UTRN: variants seen among roughly 807,000 people sequenced by gnomAD.
UTRN encodes utrophin.
In UTRN, 283 loss-of-function variants were observed where a neutral mutation model predicts 463.9. The observed-to-expected ratio is 0.61, with a 90% CI of 0.55 to 0.67. The LOEUF (loss-of-function observed/expected upper bound fraction) is 0.67, where lower values mean the gene tolerates loss of function less well. Ranked by LOEUF, UTRN falls within the 30% of genes least tolerant of loss-of-function variation. The pLI is 0.00. For missense variants in UTRN, 3,922 were observed against 4,084.3 expected, an observed-to-expected ratio of 0.96 and a Z score of 1.08; for synonymous variants, 1,442 against 1,431.5, an observed-to-expected ratio of 1.01 and a Z score of -0.17.
At chr6:144,567,823 G>A (rs1800541514) in intron 50 of UTRN, among the ~76,000 whole-genome samples, 1 of 152,114 alleles carries the variant, frequency 6.6e-6, no homozygotes, top group Admixed American at 6.6e-5. Flanking sequence ...GGTTTCCTGA[G>A]ATGCTCTTTT....
At chr6:144,695,698 A>G (rs538321768) in intron 52 of UTRN, among the ~76,000 whole-genome samples, 1 of 152,342 alleles carries the variant, frequency 6.6e-6, no homozygotes, top group East Asian at 1.9e-4. Flanking sequence ...CATCTAAAAC[A>G]ATACATACAA....
chr6:144,675,531 T>TTTGGAGC lies in UTRN; in HGVS notation c.7480-2874_7480-2868dup, dbSNP rs572779486. ...GGAATTAGCTGTTGTTTTCTCCTTC[T>TTTGGAGC]TTGGAGCAGGGTTGTTCTGTTATGA... On this transcript the variant is annotated intron_variant, in intron 51 of 74. Coordinates refer to ENST00000367545, the MANE Select transcript of UTRN (RefSeq NM_007124.3). Among the ~76,000 whole-genome samples, 243 of 152,316 alleles carry TTTGGAGC rather than the reference T, an allele frequency of 1.6e-3. 2 individuals are homozygous for TTTGGAGC. Among genetic ancestry groups the TTTGGAGC allele is most frequent in the African/African-American group, 5.5e-3 (229 of 41,576 alleles).
At chr6:144,588,646 A>G (rs1238193187) in intron 51 of UTRN, among the ~76,000 whole-genome samples, 3 of 152,104 alleles carry the variant, frequency 2.0e-5, no homozygotes, top group Non-Finnish European at 4.4e-5. Context: ...AGGGTTGATG[A>G]TTTGTGTTTT....
intron 32 of UTRN, among the ~76,000 whole-genome samples, chr6:144,492,430 A>G (rs1793158347): frequency 6.6e-6 from 1 of 152,240 alleles, no homozygotes; most frequent in South Asian, 2.1e-4. Context: ...ATTGATGGGC[A>G]CCTAGATTGA....
chr6:144,816,872 A>G (rs1779137056), intron 65 of UTRN, among the ~76,000 whole-genome samples: 1 of 151,684 alleles, frequency 6.6e-6, no homozygotes, highest in African/African-American at 2.4e-5. Flanking sequence ...GAGCCACTGC[A>G]TCCAGCCTAT....
At chr6:144,652,310 G>A (rs1271319792) in intron 51 of UTRN, among the ~76,000 whole-genome samples, 1 of 152,058 alleles carries the variant, frequency 6.6e-6, no homozygotes, top group Non-Finnish European at 1.5e-5. Context: ...TGACAAACAG[G>A]GTCCAGGGAA....
intron 2 of UTRN, among the ~76,000 whole-genome samples, chr6:144,357,757 G>A (rs957904707): frequency 1.3e-5 from 2 of 152,136 alleles, no homozygotes; most frequent in African/African-American, 4.8e-5. Flanking sequence ...ACATTTATTT[G>A]CTGATATTGG....
At chr6:144,352,552 T>C (rs1304490696) in intron 2 of UTRN, among the ~76,000 whole-genome samples, 1 of 152,212 alleles carries the variant, frequency 6.6e-6, no homozygotes, top group Admixed American at 6.5e-5. Flanking sequence ...CTCCTATGCA[T>C]TTCTCCTGCT....
intron 62 of UTRN, among the ~76,000 whole-genome samples, chr6:144,792,696 T>G (rs1034193586): frequency 3.9e-5 from 6 of 152,264 alleles, no homozygotes; most frequent in African/African-American, 1.2e-4. Flanking sequence ...TTAAGTACTT[T>G]TGAATTTTTA....
intron 2 of UTRN, among the ~76,000 whole-genome samples, chr6:144,380,668 A>G (rs1485735752): frequency 2.0e-5 from 3 of 152,054 alleles, no homozygotes; most frequent in Non-Finnish European, 2.9e-5. Context: ...TTAAAATATT[A>G]GCTGGGCTTG....
intron 51 of UTRN, among the ~76,000 whole-genome samples, chr6:144,643,688 T>C (rs1777995695): frequency 6.6e-6 from 1 of 151,912 alleles, no homozygotes; most frequent in South Asian, 2.1e-4. Context: ...TCCCAGCTAC[T>C]TGAGAGGCTG....
intron 54 of UTRN, among the ~76,000 whole-genome samples, chr6:144,734,929 T>A (rs1017868888): frequency 6.6e-5 from 10 of 152,226 alleles, no homozygotes; most frequent in Non-Finnish European, 1.3e-4. Context: ...TTCGTTCCAC[T>A]CCCTGTAGAT....
rs58980911 is a variant in UTRN, at chr6:144,414,714, C to CTT, written c.142-7151_142-7150dup. Among the ~76,000 whole-genome samples, 349 of 142,198 alleles carry CTT rather than the reference C, an allele frequency of 2.5e-3. 2 individuals are homozygous for CTT. The highest frequency in any genetic ancestry group is 0.019 in the South Asian group (87 of 4,472). 93.3% of individuals were successfully genotyped at this position (142,198 alleles called of 152,430 possible). On this transcript the variant is annotated intron_variant, in intron 3 of 74. Coordinates refer to ENST00000367545, the MANE Select transcript of UTRN (RefSeq NM_007124.3). ...AGTGTCCTATACAGGTGTACTATAT[C>CTT]TTTTTTTTTTTTTTCGTTTGAGACA... is the stretch of plus-strand genomic sequence containing the variant.
chr6:144,661,548 A>G (rs1424961987), intron 51 of UTRN, among the ~76,000 whole-genome samples: 1 of 152,174 alleles, frequency 6.6e-6, no homozygotes, highest in Non-Finnish European at 1.5e-5. Context: ...CTTGCTCTCC[A>G]CTTAGAAGGG....
chr6:144,378,156 A>G (rs1780617042), intron 2 of UTRN, among the ~76,000 whole-genome samples: 1 of 152,256 alleles, frequency 6.6e-6, no homozygotes, highest in African/African-American at 2.4e-5. Context: ...TCAGTGGATC[A>G]TCTTGATGAT....
intron 34 of UTRN, among the ~76,000 whole-genome samples, chr6:144,510,308 G>A (rs562272519): frequency 3.9e-5 from 6 of 152,120 alleles, no homozygotes; most frequent in Admixed American, 1.3e-4. Flanking sequence ...CGAATGTGCC[G>A]ATCACTTTAT....
rs1173166084 is a variant in UTRN, at chr6:144,461,346, A to G, written c.2853+4A>G. On this transcript the variant is annotated splice_donor_region_variant and intron_variant, in intron 22 of 74. Transcript: ENST00000367545. ...GAAGGCCCTGCAAGAAAAAAAGGTA[A>G]CATATATCTTCCATGTTAGAACTCT... 6.5e-7 allele frequency: 1 copy of G among 1,547,252 alleles called. No homozygotes were observed. The highest frequency in any genetic ancestry group is 8.7e-7 in the Non-Finnish European group (1 of 1,145,148).
intron 53 of UTRN, among the ~76,000 whole-genome samples, chr6:144,715,916 G>T (rs370823025): frequency 6.6e-6 from 1 of 151,354 alleles, no homozygotes; most frequent in South Asian, 2.1e-4. Context: ...ATTCATTTGC[G>T]TTCTAAAGAA....
chr6:144,374,964 A>T (rs979570796), intron 2 of UTRN, among the ~76,000 whole-genome samples: 76 of 151,104 alleles, frequency 5.0e-4, no homozygotes, highest in African/African-American at 1.8e-3. Flanking sequence ...AAAAAAAAAA[A>T]GTAACTAAAA....
Sources: allele counts gnomAD v4.1 joint callset (sites outside exome capture counted in the v4.1 genomes callset), GRCh38; gene constraint gnomAD v4.1.1; transcripts MANE v1.5; gene names NCBI Gene and HGNC (gene_info 2026-07-23, HGNC 2026-07-21).